The following SHPRH variants were observed in gnomAD, a reference collection of about 807,000 sequenced individuals.
SHPRH encodes E3 ubiquitin-protein ligase SHPRH.
SHPRH carries 106 observed loss-of-function variants against 202.5 expected under a neutral mutation model. The ratio of observed to expected loss-of-function variants is 0.52; its 90% CI spans 0.45 to 0.62. The LOEUF (loss-of-function observed/expected upper bound fraction) is 0.62, where lower values mean the gene tolerates loss of function less well. Among genes scored for constraint, SHPRH ranks in the 20% least tolerant of loss-of-function variants. The pLI is 0.00. For synonymous variants in SHPRH, 729 were observed against 686.0 expected (o/e 1.06, Z -0.98); for missense variants, 1,710 against 2,020.0 (o/e 0.85, Z 2.94).
intron 16 of SHPRH, among the ~76,000 whole-genome samples, chr6:145,925,955 G>A (rs1335520117): frequency 1.3e-5 from 2 of 151,762 alleles, no homozygotes; most frequent in Non-Finnish European, 2.9e-5. Flanking sequence ...CATTCTGTTG[G>A]CTACCAACAG....
chr6:145,862,415 C>CAACAA (rs10645746), downstream of SHPRH, among the ~76,000 whole-genome samples: 58,264 of 149,624 alleles, frequency 0.39, 11,490 homozygotes, highest in South Asian at 0.47. Flanking sequence ...GACTCCGTCT[C>CAACAA]AACAAAACAA....
At chr6:145,877,146 T>G (rs1213275426) in intron 2 of SHPRH, among the ~76,000 whole-genome samples, 3 of 152,044 alleles carry the variant, frequency 2.0e-5, no homozygotes, top group Non-Finnish European at 4.4e-5. Flanking sequence ...TTCATATGAG[T>G]TTTTGTATGA....
intron 23 of SHPRH, among the ~76,000 whole-genome samples, chr6:145,916,152 T>C (rs1783931569): frequency 6.6e-6 from 1 of 152,156 alleles, no homozygotes; most frequent in Admixed American, 6.6e-5. Flanking sequence ...TCAGATACTG[T>C]ATTTCTGCAG....
Position 145,933,257 on chromosome 6 carries a change from G to C in SHPRH, c.2991-79C>G, listed in dbSNP as rs373413458. On this transcript the variant is annotated intron_variant, in intron 13 of 29. Transcript: ENST00000275233. ...TCAGTGGGAGTGTTATATCTCACAT[G>C]ATCAAGAGTGTATGAGACTCGCAGT... 7 of 1,593,546 alleles carry C rather than the reference G, an allele frequency of 4.4e-6. No homozygotes were observed. The Admixed American group carries it at 1.2e-4, about 27-fold the overall frequency.
chr6:145,879,100 G>T (rs1780435731), intron 2 of SHPRH, among the ~76,000 whole-genome samples: 1 of 152,056 alleles, frequency 6.6e-6, no homozygotes, highest in Non-Finnish European at 1.5e-5. Flanking sequence ...TATGAGCTGG[G>T]TCCCTTTGGT....
chr6:145,948,923 A>T (rs796669239), intron 4 of SHPRH, among the ~76,000 whole-genome samples: 4 of 152,166 alleles, frequency 2.6e-5, no homozygotes, highest in African/African-American at 9.6e-5. Context: ...TAACTTATTT[A>T]AACCAACTGC....
At chr6:145,932,973 C>CG (rs1785633752) in intron 14 of SHPRH, 84 bp downstream of exon 14, 7 of 1,469,852 alleles carry the variant, frequency 4.8e-6, no homozygotes, top group Non-Finnish European at 6.4e-6. Flanking sequence ...ATCCCCCCCC[C>CG]AAAAATCAAA....
At chr6:145,879,932 A>AG (rs1780483766), downstream of SHPRH, among the ~76,000 whole-genome samples, 1 of 144,548 alleles carries the variant, frequency 6.9e-6, no homozygotes, top group Admixed American at 6.8e-5. Flanking sequence ...AAAAAAAAAA[A>AG]GGAAAAAAGA....
intron 8 of SHPRH, among the ~76,000 whole-genome samples, chr6:145,945,096 C>G (rs1787223718): frequency 6.6e-6 from 1 of 152,046 alleles, no homozygotes; most frequent in South Asian, 2.1e-4. Flanking sequence ...GCTTTATACT[C>G]TATAATACGC....
chr6:145,872,983 TGAG>T (rs1780122313), intron 2 of SHPRH, among the ~76,000 whole-genome samples: 1 of 152,196 alleles, frequency 6.6e-6, no homozygotes, highest in Admixed American at 6.5e-5. Flanking sequence ...AGCAAAATGA[TGAG>T]AATACATGGA....
chr6:145,942,118 T>C (rs1187306751), intron 9 of SHPRH, among the ~76,000 whole-genome samples: 1 of 152,144 alleles, frequency 6.6e-6, no homozygotes, highest in Non-Finnish European at 1.5e-5. Context: ...ACCAATTCTG[T>C]AGCGGAGAAG....
intron 24 of SHPRH, among the ~76,000 whole-genome samples, chr6:145,912,027 T>G (rs1332835018): frequency 6.6e-6 from 1 of 151,904 alleles, no homozygotes; most frequent in Non-Finnish European, 1.5e-5. Flanking sequence ...TGTGACTCAC[T>G]AGAGCTCAAA....
chr6:145,869,427 C>T (rs1779953641), intron 2 of SHPRH, among the ~76,000 whole-genome samples: 1 of 152,124 alleles, frequency 6.6e-6, no homozygotes, highest in Non-Finnish European at 1.5e-5. Flanking sequence ...CCAAGGCGAT[C>T]TAGATTTTCT....
chr6:145,955,418 G>C (rs958815667), intron 1 of SHPRH, 64 bp from the exon 2 acceptor site: 16 of 1,429,458 alleles, frequency 1.1e-5, no homozygotes, highest in Non-Finnish European at 1.5e-5. Context: ...AGGGTTACCA[G>C]ATGAGAAATT....
At chr6:145,869,819 C>CTTTTTTTTTTTTTTTT in intron 2 of SHPRH, among the ~76,000 whole-genome samples, 1 of 134,584 alleles carries the variant, frequency 7.4e-6, no homozygotes, top group Non-Finnish European at 1.6e-5. Flanking sequence ...TTTTTCTTTT[C>CTTTTTTTTTTTTTTTT]TTTTTTTTTT....
chr6:145,915,930 ATTCTC>A lies in SHPRH; in HGVS notation c.4254+2196_4254+2200del, dbSNP rs137906624. On this transcript the variant is annotated intron_variant, in intron 23 of 29. Transcript: ENST00000275233. ...TATTATCTCTTCAAGCTTCTGTCCTATTCTCTTTTCTTCTTGAACTTCAATTACAA... is the reference window on the plus strand; with the variant it reads ...TATTATCTCTTCAAGCTTCTGTCCTATTTTCTTCTTGAACTTCAATTACAA... Among the ~76,000 whole-genome samples the A allele has an allele frequency of 4.1e-3, 631 of 152,068 alleles. 15 individuals are homozygous for A. In the East Asian group the frequency reaches 0.071, roughly 17 times the overall value.
At chr6:145,894,371 G>A in intron 26 of SHPRH, 135 bp from the exon 27 acceptor site, 1 of 510,232 alleles carries the variant, frequency 2.0e-6, no homozygotes, top group South Asian at 3.4e-5. Flanking sequence ...ACCCTCAAAT[G>A]TAGTACCATC....
At chr6:145,883,791 G>A (rs1019476023), downstream of SHPRH, 7 of 151,760 alleles carry the variant, frequency 4.6e-5, no homozygotes, top group Non-Finnish European at 7.4e-5. Context: ...TCATTTAATT[G>A]GTTTACACTC....
chr6:145,887,265 T>A (rs72999914), intron 29 of SHPRH, among the ~76,000 whole-genome samples: 4,638 of 152,272 alleles, frequency 0.03, 111 homozygotes, highest in Non-Finnish European at 0.05. Context: ...AAACCATCAA[T>A]GGAAGAAAAT....
Sources: allele counts gnomAD v4.1 joint callset (sites outside exome capture counted in the v4.1 genomes callset), GRCh38; gene constraint gnomAD v4.1.1; transcripts MANE v1.5; gene names NCBI Gene and HGNC (gene_info 2026-07-23, HGNC 2026-07-21).